The following NOVA1 variants were observed in gnomAD, a reference collection of about 807,000 sequenced individuals.
NOVA1 encodes the protein RNA-binding protein Nova-1.
NOVA1 carries 7 observed loss-of-function variants against 38.0 expected under a neutral mutation model. The observed-to-expected ratio is 0.18, with a 90% CI of 0.10 to 0.35. The LOEUF (loss-of-function observed/expected upper bound fraction) is 0.35, where lower values mean the gene tolerates loss of function less well. NOVA1 is among the 10% of genes least tolerant of loss of function. The probability of loss-of-function intolerance (pLI) is 1.00; values close to 1 mark genes in which losing one functional copy is unlikely to be tolerated. For synonymous variants in NOVA1, 270 were observed against 232.5 expected, an observed-to-expected ratio of 1.16 and a Z score of -1.47; for missense variants, 460 against 616.0, an observed-to-expected ratio of 0.75 and a Z score of 2.68.
intron 3 of NOVA1, among the ~76,000 whole-genome samples, chr14:26,477,555 G>T (rs1885085933): frequency 1.3e-5 from 2 of 152,010 alleles, no homozygotes; most frequent in Middle Eastern, 3.4e-3. Context: ...TTTTCAATTG[G>T]ATAAAATACC....
intron 2 of NOVA1, among the ~76,000 whole-genome samples, chr14:26,500,162 C>T (rs1215198955): frequency 1.3e-5 from 2 of 152,008 alleles, no homozygotes; most frequent in Non-Finnish European, 2.9e-5. Flanking sequence ...GCTATACTGT[C>T]CCATAACAGC....
chr14:26,538,649 C>T (rs987369510), intron 2 of NOVA1, among the ~76,000 whole-genome samples: 5 of 152,034 alleles, frequency 3.3e-5, no homozygotes, highest in African/African-American at 1.2e-4. Flanking sequence ...TAGCTGGGAC[C>T]ACAGCAATAA....
At chr14:26,583,429 A>G (rs1157207873) in intron 2 of NOVA1, among the ~76,000 whole-genome samples, 1 of 151,590 alleles carries the variant, frequency 6.6e-6, no homozygotes, top group Non-Finnish European at 1.5e-5. Context: ...ACCTTGAGTT[A>G]CACAACTGGT....
chr14:26,582,898 T>C (rs1893308117), intron 2 of NOVA1, among the ~76,000 whole-genome samples: 1 of 151,908 alleles, frequency 6.6e-6, no homozygotes, highest in Non-Finnish European at 1.5e-5. Context: ...ACATTAAACA[T>C]GCCATTTCAG....
chr14:26,549,771 G>C, intron 2 of NOVA1: 1 of 1,288,270 alleles, frequency 7.8e-7, no homozygotes, highest in Non-Finnish European at 1.0e-6. Context: ...TTCTTCTGCA[G>C]CTGTCAGCAC....
intron 2 of NOVA1, among the ~76,000 whole-genome samples, chr14:26,572,746 G>GTGTGTGTGTGTGTGTT (rs1247003238): frequency 1.3e-5 from 2 of 151,308 alleles, no homozygotes; most frequent in Non-Finnish European, 3.0e-5. Context: ...GTGTGTGTGT[G>GTGTGTGTGTGTGTGTT]TGTGTGTGTG....
chr14:26,525,996 T>G (rs1022519564), intron 2 of NOVA1, among the ~76,000 whole-genome samples: 1 of 151,954 alleles, frequency 6.6e-6, no homozygotes, highest in Non-Finnish European at 1.5e-5. Flanking sequence ...CCTGGTAGTT[T>G]TAGCTTATGT....
chr14:26,502,557 C>A (rs547561100), intron 2 of NOVA1, among the ~76,000 whole-genome samples: 8 of 149,564 alleles, frequency 5.3e-5, no homozygotes, highest in Middle Eastern at 6.9e-3. Context: ...AAATGTAAAT[C>A]TAATTACAGG....
At chr14:26,585,427 AC>A (rs2138786477) in intron 2 of NOVA1, among the ~76,000 whole-genome samples, 1 of 151,376 alleles carries the variant, frequency 6.6e-6, no homozygotes, top group East Asian at 1.9e-4. Flanking sequence ...ACCTCCCCCA[AC>A]AAAGTCACAT....
Position 26,480,013 on chromosome 14 carries a change from T to G in NOVA1, c.411A>C (p.Gln137His). Residue 137 changes from glutamine to histidine, a missense_variant, in exon 3 of 5, where the codon CAA becomes CAC. Physicochemically the swap from Gln to His is conservative, Grantham distance 24 (BLOSUM62 0). Coordinates refer to ENST00000539517, the MANE Select transcript of NOVA1 (RefSeq NM_002515.3). ...VAKTEPVSIL[Q>H]PQTTVNPDRI... ...GATCTGGATTAACGGTGGTCTGGGG[T>G]TGTAGAATGCTGACTGGTTCTGTCT... The G allele has an allele frequency of 1.2e-6, 2 of 1,613,958 alleles. No individual in the cohort carries two copies. Among genetic ancestry groups the G allele is most frequent in the South Asian group, 2.2e-5 (2 of 91,074 alleles).
At chr14:26,517,295 T>C (rs1331914032) in intron 2 of NOVA1, among the ~76,000 whole-genome samples, 1 of 152,170 alleles carries the variant, frequency 6.6e-6, no homozygotes, top group Non-Finnish European at 1.5e-5. Flanking sequence ...TAGAATGCTC[T>C]TTTCCACCTA....
intron 2 of NOVA1, among the ~76,000 whole-genome samples, chr14:26,481,578 A>G (rs1885451779): frequency 6.6e-6 from 1 of 152,172 alleles, no homozygotes; most frequent in East Asian, 1.9e-4. Flanking sequence ...ATTCAGATCT[A>G]TAAAAATCTA....
intron 2 of NOVA1, among the ~76,000 whole-genome samples, chr14:26,550,241 A>T (rs1594516898): frequency 6.6e-6 from 1 of 152,282 alleles, no homozygotes; most frequent in East Asian, 1.9e-4. Flanking sequence ...TTCAAGGGAG[A>T]AAAAAACAAA....
chr14:26,472,469 T>C, intron 3 of NOVA1, 78 bp from the exon 4 acceptor site: 2 of 580,496 alleles, frequency 3.4e-6, no homozygotes, highest in South Asian at 7.3e-5. Flanking sequence ...CAAAATAAAA[T>C]AAAATGTAAT....
At chr14:26,514,345 T>C (rs1888308813) in intron 2 of NOVA1, among the ~76,000 whole-genome samples, 1 of 151,742 alleles carries the variant, frequency 6.6e-6, no homozygotes, top group Non-Finnish European at 1.5e-5. Flanking sequence ...CTGATCTACA[T>C]GTTCATAGTT....
At chr14:26,576,981 T>C (rs76167347) in intron 2 of NOVA1, among the ~76,000 whole-genome samples, 3,674 of 152,014 alleles carry the variant, frequency 0.024, 148 homozygotes, top group African/African-American at 0.085. Context: ...CATAGCTGCA[T>C]GTTTGTACCT....
chr14:26,465,120 C>T (rs879670876), intron 4 of NOVA1, among the ~76,000 whole-genome samples: 2 of 152,176 alleles, frequency 1.3e-5, no homozygotes, highest in Non-Finnish European at 2.9e-5. Flanking sequence ...TGAACATTAT[C>T]TTGATATCAC....
intron 2 of NOVA1, among the ~76,000 whole-genome samples, chr14:26,552,230 T>C (rs1349175861): frequency 1.3e-5 from 2 of 151,996 alleles, no homozygotes; most frequent in African/African-American, 4.8e-5. Flanking sequence ...TTCAGAATAC[T>C]GCAATGAAAA....
At chr14:26,508,536 G>A (rs968674032) in intron 2 of NOVA1, among the ~76,000 whole-genome samples, 1 of 138,196 alleles carries the variant, frequency 7.2e-6, no homozygotes, top group Non-Finnish European at 1.6e-5. Context: ...TAAACCAAGA[G>A]AAATTTTTCA....
Sources: allele counts gnomAD v4.1 joint callset (sites outside exome capture counted in the v4.1 genomes callset), GRCh38; gene constraint gnomAD v4.1.1; transcripts MANE v1.5; gene names NCBI Gene and HGNC (gene_info 2026-07-23, HGNC 2026-07-21).